SPAG9: variants seen among roughly 807,000 people sequenced by gnomAD.
SPAG9 encodes C-Jun-amino-terminal kinase-interacting protein 4.
A neutral mutation model predicts 166.5 loss-of-function variants in SPAG9; 35 were observed. The observed-to-expected ratio is 0.21, with a 90% CI of 0.16 to 0.28. The LOEUF (loss-of-function observed/expected upper bound fraction) is 0.28, where lower values mean the gene tolerates loss of function less well. Ranked by LOEUF, SPAG9 falls within the 10% of genes least tolerant of loss-of-function variation. The pLI, the probability that SPAG9 is intolerant of heterozygous loss-of-function variation, is 1.00. For missense variants in SPAG9, 1,235 were observed against 1,603.3 expected, an observed-to-expected ratio of 0.77 and a Z score of 3.92; for synonymous variants, 534 against 565.5, an observed-to-expected ratio of 0.94 and a Z score of 0.79.
intron 1 of SPAG9, among the ~76,000 whole-genome samples, chr17:51,095,544 G>A (rs1179207926): frequency 1.3e-5 from 2 of 150,768 alleles, no homozygotes; most frequent in African/African-American, 4.9e-5. Flanking sequence ...CCAGCTACTC[G>A]GGAGGCTGAG....
chr17:51,002,530 C>T (rs1439992038), intron 12 of SPAG9, among the ~76,000 whole-genome samples: 3 of 152,072 alleles, frequency 2.0e-5, no homozygotes, highest in East Asian at 3.9e-4. Flanking sequence ...CGCCTGTAGT[C>T]GCGGCACTTT....
chr17:51,111,631 C>G (rs2049114415), intron 1 of SPAG9, among the ~76,000 whole-genome samples: 1 of 152,020 alleles, frequency 6.6e-6, no homozygotes. Flanking sequence ...AAGACACAGT[C>G]TCACTCTGTA....
At chr17:51,026,780 G>A (rs780081355) in intron 6 of SPAG9, among the ~76,000 whole-genome samples, 1 of 150,516 alleles carries the variant, frequency 6.6e-6, no homozygotes, top group Non-Finnish European at 1.5e-5. Flanking sequence ...AGGTTCAAGT[G>A]ATTCTCCTGC....
chr17:51,011,671 C>T (rs1394082108), intron 9 of SPAG9, among the ~76,000 whole-genome samples: 4 of 152,112 alleles, frequency 2.6e-5, no homozygotes, highest in Non-Finnish European at 5.9e-5. Flanking sequence ...GCATGAGCCA[C>T]CGTGCCCGGC....
Position 51,058,922 on chromosome 17 carries a change from T to C in SPAG9, c.425-2440A>G, listed in dbSNP as rs539444684. Among the ~76,000 whole-genome samples, 27 of 152,318 alleles carry C rather than the reference T, an allele frequency of 1.8e-4. No individual in the cohort carries two copies. In the South Asian group the frequency reaches 4.8e-3, roughly 27 times the overall value. The stretch of plus-strand genomic sequence containing the variant: ...TTGCCAACCCTATCACAAAACAATG[T>C]CATTGCTAGAAAGCCTATATATATG... On this transcript the variant is annotated intron_variant, in intron 2 of 29. Transcript: ENST00000262013.
chr17:51,106,475 T>C (rs761218788), intron 1 of SPAG9, among the ~76,000 whole-genome samples: 2 of 152,130 alleles, frequency 1.3e-5, no homozygotes, highest in Non-Finnish European at 2.9e-5. Context: ...TCTGTTTCAT[T>C]AGTGGCTACA....
At chr17:51,066,520 A>C (rs1216471588) in intron 2 of SPAG9, among the ~76,000 whole-genome samples, 1 of 131,056 alleles carries the variant, frequency 7.6e-6, no homozygotes, top group Non-Finnish European at 1.6e-5. Flanking sequence ...ATGCCATTGC[A>C]CTCCAGGCTG....
intron 3 of SPAG9, among the ~76,000 whole-genome samples, chr17:51,054,371 C>T (rs2047299229): frequency 6.6e-6 from 1 of 151,696 alleles, no homozygotes; most frequent in Non-Finnish European, 1.5e-5. Flanking sequence ...GATCCGCTCA[C>T]CTTGGCCTCC....
chr17:50,982,426 CAGAAACAATTTCTAA>C, intron 25 of SPAG9, 83 bp downstream of exon 25: 2 of 1,168,962 alleles, frequency 1.7e-6, no homozygotes, highest in Non-Finnish European at 2.4e-6. Flanking sequence ...CACACAGATC[CAGAAACAATTTCTAA>C]AGAAGCTGAA....
At chr17:51,077,215 C>G (rs75069028) in intron 2 of SPAG9, among the ~76,000 whole-genome samples, 36,139 of 150,404 alleles carry the variant, frequency 0.24, 5,145 homozygotes, top group Admixed American at 0.34. Context: ...CCTCCACCTC[C>G]CGGGGTCAAG....
intron 1 of SPAG9, among the ~76,000 whole-genome samples, chr17:51,095,884 TAGTGATATATAC>T (rs1459772380): frequency 6.9e-6 from 1 of 144,340 alleles, no homozygotes; most frequent in Non-Finnish European, 1.5e-5. Context: ...GTGATATATA[TAGTGATATATAC>T]AGTGATATAT....
chr17:51,076,933 C>G (rs185563739), intron 2 of SPAG9, among the ~76,000 whole-genome samples: 1 of 151,596 alleles, frequency 6.6e-6, no homozygotes, highest in Non-Finnish European at 1.5e-5. Flanking sequence ...CCCAGAAGTG[C>G]GAGACCAGCC....
intron 6 of SPAG9, chr17:51,023,400 T>A: frequency 3.9e-6 from 1 of 255,984 alleles, no homozygotes. Context: ...TAGCTATTGA[T>A]GCTGAAGTGG....
chr17:51,004,157 A>AT (rs935034305), intron 12 of SPAG9, among the ~76,000 whole-genome samples: 5 of 150,934 alleles, frequency 3.3e-5, no homozygotes, highest in African/African-American at 7.3e-5. Flanking sequence ...ATATGATAAA[A>AT]TTTTTTTTTT....
At chr17:51,026,084 A>G (rs1448652918) in intron 6 of SPAG9, among the ~76,000 whole-genome samples, 1 of 152,102 alleles carries the variant, frequency 6.6e-6, no homozygotes, top group East Asian at 1.9e-4. Flanking sequence ...CAATCTTGGA[A>G]TTCTCATTTA....
At chr17:51,093,068 G>GT (rs1194162968) in intron 1 of SPAG9, among the ~76,000 whole-genome samples, 3 of 125,680 alleles carry the variant, frequency 2.4e-5, no homozygotes, top group Non-Finnish European at 5.0e-5. Flanking sequence ...AGATATTTCT[G>GT]TAAAAAAAAA....
chr17:50,986,151 C>T (rs940525356), intron 22 of SPAG9, among the ~76,000 whole-genome samples: 28 of 152,340 alleles, frequency 1.8e-4, no homozygotes, highest in African/African-American at 6.5e-4. Context: ...CAAACTATGG[C>T]CTACAGGCCA....
chr17:50,982,407 G>A, intron 25 of SPAG9, 117 bp downstream of exon 25: 1 of 870,600 alleles, frequency 1.1e-6, no homozygotes, highest in Non-Finnish European at 1.7e-6. Context: ...TTACTCAAGT[G>A]CCCTAAAACA....
rs145753032 is a variant in SPAG9 at position 50,968,969 on chromosome 17, G to A, written c.3850+1738C>T. 7.7e-3 allele frequency among the ~76,000 whole-genome samples: 1,174 copies of A among 151,508 alleles called. 11 individuals carry two copies. The highest frequency in any genetic ancestry group is 0.024 in the African/African-American group (984 of 41,316). Reference sequence around the variant, plus strand: ...TTTTTTTGAGATGGAGTCTCACTCTGTCACCCAGGCTGGAGTGCAGTGGTG... The same window carrying A: ...TTTTTTTGAGATGGAGTCTCACTCTATCACCCAGGCTGGAGTGCAGTGGTG... On this transcript the variant is annotated intron_variant, in intron 29 of 29. Coordinates refer to ENST00000262013, the MANE Select transcript of SPAG9 (RefSeq NM_001130528.3).
Sources: allele counts gnomAD v4.1 joint callset (sites outside exome capture counted in the v4.1 genomes callset), GRCh38; gene constraint gnomAD v4.1.1; transcripts MANE v1.5; gene names NCBI Gene and HGNC (gene_info 2026-07-23, HGNC 2026-07-21).